The following PCDH15 variants were observed in gnomAD, a reference collection of about 807,000 sequenced individuals.
PCDH15 encodes the protein protocadherin-15.
PCDH15 carries 129 observed loss-of-function variants against 178.5 expected under a neutral mutation model. The observed-to-expected ratio is 0.72, with a 90% CI of 0.63 to 0.84. The LOEUF is 0.84. Among genes scored for constraint, PCDH15 ranks in the 40% least tolerant of loss-of-function variants. The pLI, the probability that PCDH15 is intolerant of heterozygous loss-of-function variation, is 0.00. For synonymous variants in PCDH15, 800 were observed against 732.0 expected, an observed-to-expected ratio of 1.09 and a Z score of -1.50; for missense variants, 2,230 against 2,099.9, an observed-to-expected ratio of 1.06 and a Z score of -1.21.
intron 5 of PCDH15, among the ~76,000 whole-genome samples, chr10:54,349,868 T>C (rs1364279053): frequency 6.6e-6 from 1 of 152,186 alleles, no homozygotes; most frequent in African/African-American, 2.4e-5. Context: ...AATGTTCTCA[T>C]TTCAGAATAT....
At chr10:54,252,598 C>T (rs1024790190) in intron 8 of PCDH15, among the ~76,000 whole-genome samples, 7 of 152,168 alleles carry the variant, frequency 4.6e-5, no homozygotes, top group African/African-American at 1.4e-4. Flanking sequence ...ATGCTGCCAT[C>T]AGAGCCAGAA....
intron 2 of PCDH15, among the ~76,000 whole-genome samples, chr10:54,581,426 A>C (rs1415549547): frequency 6.6e-6 from 1 of 152,136 alleles, no homozygotes; most frequent in African/African-American, 2.4e-5. Context: ...TGAAAGAAAT[A>C]ATAGATGACA....
At chr10:55,224,530 T>G (rs1257697684) in intron 1 of PCDH15, among the ~76,000 whole-genome samples, 1 of 152,068 alleles carries the variant, frequency 6.6e-6, no homozygotes, top group Non-Finnish European at 1.5e-5. Context: ...ATTTCAAAGC[T>G]GAGGTCGCTC....
At chr10:54,674,688 C>T (rs144070879) in intron 1 of PCDH15, among the ~76,000 whole-genome samples, 52 of 152,158 alleles carry the variant, frequency 3.4e-4, no homozygotes, top group Middle Eastern at 3.4e-3. Context: ...TGACACAAAT[C>T]CATAAAGGTC....
intron 34 of PCDH15, among the ~76,000 whole-genome samples, chr10:53,817,276 T>G (rs930886601): frequency 6.6e-6 from 1 of 152,122 alleles, no homozygotes. Flanking sequence ...GTGACTTCAT[T>G]GGTAACATCA....
intron 20 of PCDH15, among the ~76,000 whole-genome samples, chr10:54,007,719 A>T (rs1244264174): frequency 1.3e-5 from 2 of 152,172 alleles, no homozygotes; most frequent in Non-Finnish European, 2.9e-5. Flanking sequence ...AATTTTAAAC[A>T]GGTTTGATGG....
At chr10:54,337,203 A>T (rs1392093715) in intron 6 of PCDH15, among the ~76,000 whole-genome samples, 1 of 152,086 alleles carries the variant, frequency 6.6e-6, no homozygotes, top group Non-Finnish European at 1.5e-5. Flanking sequence ...CATGGGTGTA[A>T]GGAACTTGCT....
intron 18 of PCDH15, among the ~76,000 whole-genome samples, chr10:54,048,158 A>C (rs1334014495): frequency 1.3e-5 from 2 of 152,026 alleles, no homozygotes; most frequent in Admixed American, 6.6e-5. Flanking sequence ...TTGATGATTT[A>C]TGATGTGGAT....
intron 34 of PCDH15, among the ~76,000 whole-genome samples, chr10:53,817,179 C>T (rs906216127): frequency 6.6e-6 from 1 of 152,066 alleles, no homozygotes; most frequent in Admixed American, 6.5e-5. Context: ...AGTTATTTTA[C>T]TTATAATGAA....
At chr10:54,914,950 T>C (rs1465770552) in intron 2 of PCDH15, among the ~76,000 whole-genome samples, 1 of 152,224 alleles carries the variant, frequency 6.6e-6, no homozygotes, top group Non-Finnish European at 1.5e-5. Flanking sequence ...GATACAATCT[T>C]ATGATGGGTT....
chr10:54,004,226 C>T (rs2092297903), intron 20 of PCDH15, among the ~76,000 whole-genome samples: 1 of 151,986 alleles, frequency 6.6e-6, no homozygotes, highest in Non-Finnish European at 1.5e-5. Flanking sequence ...CGATCTGGGA[C>T]ACAACCAGGA....
At chr10:54,849,630 G>C (rs1180976496) in intron 3 of PCDH15, among the ~76,000 whole-genome samples, 1 of 152,062 alleles carries the variant, frequency 6.6e-6, no homozygotes. Context: ...GATGATGGGT[G>C]CATTAGTTTT....
chr10:54,974,888 T>C (rs947151591), intron 2 of PCDH15, among the ~76,000 whole-genome samples: 1 of 152,186 alleles, frequency 6.6e-6, no homozygotes, highest in African/African-American at 2.4e-5. Flanking sequence ...TAAATCCTAA[T>C]TATTATTTTT....
At chr10:53,974,888 A>G in intron 21 of PCDH15, among the ~76,000 whole-genome samples, 1 of 151,970 alleles carries the variant, frequency 6.6e-6, no homozygotes, top group East Asian at 1.9e-4. Context: ...CGAGGTAGTG[A>G]GCATAGTACT....
chr10:54,206,373 G>A (rs562007496), intron 10 of PCDH15, among the ~76,000 whole-genome samples: 1 of 152,012 alleles, frequency 6.6e-6, no homozygotes, highest in African/African-American at 2.4e-5. Context: ...AATCATCTTG[G>A]GTATAAACAG....
chr10:53,809,433 T>C, intron 37 of PCDH15: 1 of 1,614,010 alleles, frequency 6.2e-7, no homozygotes, highest in Non-Finnish European at 8.5e-7. Context: ...CTCTCTTCCA[T>C]GTTGTGTATG....
chr10:55,147,820 C>T (rs1591942039), intron 2 of PCDH15, among the ~76,000 whole-genome samples: 1 of 60,514 alleles, frequency 1.7e-5, no homozygotes, highest in South Asian at 4.5e-4. Flanking sequence ...CCTCCTCCTT[C>T]TCCTCTTCCT....
At chr10:55,230,335 T>A (rs1357787311) in intron 1 of PCDH15, among the ~76,000 whole-genome samples, 1 of 152,062 alleles carries the variant, frequency 6.6e-6, no homozygotes, top group Non-Finnish European at 1.5e-5. Flanking sequence ...CATACATATA[T>A]TAACACAAAA....
chr10:54,414,878 G>A (rs970121585), intron 3 of PCDH15, among the ~76,000 whole-genome samples: 1 of 151,826 alleles, frequency 6.6e-6, no homozygotes, highest in South Asian at 2.1e-4. Context: ...AATCATACTA[G>A]AGTTCTTATT....
Sources: gnomAD v4.1 joint callset for allele counts (sites outside exome capture counted in the v4.1 genomes callset) on GRCh38, gnomAD v4.1.1 for gene constraint, MANE v1.5 for transcripts, NCBI Gene and HGNC (gene_info 2026-07-23, HGNC 2026-07-21) for gene names.